KLHL25: variants seen among roughly 807,000 people sequenced by gnomAD.
KLHL25 encodes kelch like family member 25.
Under a neutral mutation model 30.0 loss-of-function variants are expected in KLHL25, and 41 were observed. The ratio of observed to expected loss-of-function variants is 1.37; its 90% CI spans 1.07 to 1.78. The LOEUF is 1.78. Among genes scored for constraint, KLHL25 ranks in the 40% most tolerant of loss-of-function variants. The pLI is 0.00. For missense variants in KLHL25, 971 were observed against 824.5 expected (o/e 1.18, Z -2.18); for synonymous variants, 399 against 355.3 (o/e 1.12, Z -1.38).
chr15:85,779,272 C>A (rs1217024509), intron 1 of KLHL25, among the ~76,000 whole-genome samples: 1 of 152,254 alleles, frequency 6.6e-6, no homozygotes, highest in African/African-American at 2.4e-5. Context: ...AGGAGCTCCA[C>A]TGTGTTGTCT....
chr15:85,794,442 C>A (rs1183382686), intron 1 of KLHL25, among the ~76,000 whole-genome samples: 2 of 152,248 alleles, frequency 1.3e-5, no homozygotes. Context: ...AAAGAGTCTG[C>A]GGACTCAATG....
In KLHL25 at chr15:85,789,239, G is replaced by T. The variant is rs1460844909; in HGVS notation, c.-11+5527C>A. On this transcript the variant is annotated intron_variant, in intron 1 of 2. Transcript: ENST00000337975. This position sits in a 1 kb window ranked among gnomAD's most constrained non-coding sequence, Gnocchi z 4.1. ...AGATGGGTGGGGAGTGACACCTAAG[G>T]TGAATGTGGCCCTTGAGCTGGTGGC... Among the ~76,000 whole-genome samples the T allele has an allele frequency of 6.6e-6, 1 of 152,218 alleles. No homozygotes were observed.
chr15:85,784,821 T>C (rs1246839064), intron 1 of KLHL25, among the ~76,000 whole-genome samples: 1 of 152,172 alleles, frequency 6.6e-6, no homozygotes, highest in Non-Finnish European at 1.5e-5. Context: ...TGTGAGACCC[T>C]AAGTAGAGAA....
intron 1 of KLHL25, among the ~76,000 whole-genome samples, chr15:85,788,181 AG>A: frequency 6.6e-6 from 1 of 152,174 alleles, no homozygotes; most frequent in South Asian, 2.1e-4. Flanking sequence ...GCAGAATGTC[AG>A]GGTCTGGCAC....
chr15:85,778,079 C>G (rs781473467), intron 1 of KLHL25, among the ~76,000 whole-genome samples: 15 of 152,196 alleles, frequency 9.9e-5, no homozygotes, highest in Non-Finnish European at 1.9e-4. Context: ...ATTTCTTGCT[C>G]ATACTATTAA....
intron 1 of KLHL25, among the ~76,000 whole-genome samples, chr15:85,776,861 G>C (rs535652551): frequency 6.6e-6 from 1 of 151,962 alleles, no homozygotes; most frequent in African/African-American, 2.4e-5. Context: ...GGAGGCGGAG[G>C]TTGCAGTGAG....
Position 85,766,537 on chromosome 15 carries a change from G to A in KLHL25, c.*24+1480C>T, listed in dbSNP as rs564049926. On this transcript the variant is annotated intron_variant, in intron 2 of 2. Coordinates refer to ENST00000337975, the MANE Select transcript of KLHL25 (RefSeq NM_022480.4). The stretch of plus-strand genomic sequence containing the variant: ...CCCCTATTTGCTGCGGGAAGACCCC[G>A]CCCCCAGCTCAGCTTCTCAGGAGAT... Among the ~76,000 whole-genome samples the A allele has an allele frequency of 8.6e-5, 13 of 151,502 alleles. No individual in the cohort carries two copies. The South Asian group carries it at 1.0e-3, about 12-fold the overall frequency.
intron 2 of KLHL25, among the ~76,000 whole-genome samples, chr15:85,765,633 A>G (rs12323985): frequency 7.8e-6 from 1 of 127,910 alleles, no homozygotes; most frequent in Non-Finnish European, 1.7e-5. Flanking sequence ...AAAAAAAAAA[A>G]AAGAAGAAGA....
chr15:85,781,623 A>G (rs2089743754), intron 1 of KLHL25, among the ~76,000 whole-genome samples: 1 of 152,174 alleles, frequency 6.6e-6, no homozygotes, highest in Admixed American at 6.5e-5. Context: ...AGCTGGGATT[A>G]TAGGTACATG....
intron 1 of KLHL25, among the ~76,000 whole-genome samples, chr15:85,782,201 G>A (rs936239031): frequency 6.6e-6 from 1 of 152,106 alleles, no homozygotes; most frequent in Non-Finnish European, 1.5e-5. Flanking sequence ...GCAAAAACAT[G>A]GGTGCCCATA....
At chr15:85,781,294 T>C (rs966459808) in intron 1 of KLHL25, among the ~76,000 whole-genome samples, 5 of 152,204 alleles carry the variant, frequency 3.3e-5, no homozygotes, top group African/African-American at 1.2e-4. Context: ...TGTGATTCTG[T>C]AACATCAGGC....
At chr15:85,770,951 G>C (rs926923784) in intron 1 of KLHL25, 11 of 221,638 alleles carry the variant, frequency 5.0e-5, no homozygotes, top group Admixed American at 1.0e-4. Flanking sequence ...TGAACTCAAG[G>C]CTCAGCCAAC....
Position 85,768,639 on chromosome 15 carries a change from T to G in KLHL25, c.1172A>C (p.Tyr391Ser), listed in dbSNP as rs763562956. The change falls in exon 2 of 3, where the codon TAT becomes TCT. Residue 391 changes from tyrosine (Y) to serine (S), a missense_variant. Tyr to Ser is a moderately radical substitution (Grantham distance 144). Coordinates refer to ENST00000337975, the MANE Select transcript of KLHL25 (RefSeq NM_022480.4). ...CAGGGATGTGTGTCCCCCCACCACA[T>G]AGAGGCAGTTCTCCAGCTCAGCTGA... is the stretch of plus-strand genomic sequence containing the variant. ...HGSAELENCLYVVGGHTSLAG... is the reference protein window; with the variant it reads ...HGSAELENCLSVVGGHTSLAG... The G allele has an allele frequency of 1.2e-6, 2 of 1,612,996 alleles. No homozygotes were observed. Among genetic ancestry groups the G allele is most frequent in the Non-Finnish European group, 1.7e-6 (2 of 1,179,412 alleles).
chr15:85,765,087 C>T (rs1300892467), intron 2 of KLHL25, among the ~76,000 whole-genome samples: 2 of 152,174 alleles, frequency 1.3e-5, no homozygotes, highest in African/African-American at 2.4e-5. Flanking sequence ...GGTCTGGAGG[C>T]TCAGACCAGA....
In KLHL25 at chr15:85,768,077, C is replaced by T. The variant is rs761827840; in HGVS notation, c.1734G>A (p.Thr578=). 6 of 1,613,564 alleles carry T rather than the reference C, an allele frequency of 3.7e-6. No homozygotes were observed. The highest frequency in any genetic ancestry group is 3.3e-5 in the Admixed American group (2 of 59,982). ...GGTGCTTCCAGGTGCTGACAAAGGC[C>T]GTGGGGATAAGTGAGTAGGGCACTG... The part of the protein sequence containing the change: ...ITTVPYSLIP[T]AFVSTWKHLP... The change falls in exon 2 of 3, where the codon ACG becomes ACA. Residue 578 remains threonine (T), a synonymous_variant. Coordinates refer to ENST00000337975, the MANE Select transcript of KLHL25 (RefSeq NM_022480.4).
In KLHL25 at chr15:85,768,150, G is replaced by A; in HGVS notation, c.1661C>T (p.Thr554Ile). 1 of 1,614,230 alleles carries A rather than the reference G, an allele frequency of 6.2e-7. No homozygotes were observed. Among genetic ancestry groups the A allele is most frequent in the Non-Finnish European group, 8.5e-7 (1 of 1,180,048 alleles). The change falls in exon 2 of 3, where the codon ACT becomes ATT. Residue 554 changes from threonine (T) to isoleucine (I), a missense_variant. Coordinates refer to ENST00000337975, the MANE Select transcript of KLHL25 (RefSeq NM_022480.4). The part of the protein sequence containing the change: ...GGYFGTQRCK[T>I]LDCYDPTSDT... ...TGAAGTGGGGTCATAGCAGTCCAGA[G>A]TCTTACACCTCTGGGTCCCAAAGTA...
chr15:85,761,114 C>T (rs1383891748), intron 2 of KLHL25, 103 bp from the exon 3 acceptor site: 4 of 152,294 alleles, frequency 2.6e-5, no homozygotes, highest in Admixed American at 1.3e-4. Context: ...CCATGAGGCT[C>T]GGGCGTGAGA....
Position 85,769,500 on chromosome 15 carries a change from A to G in KLHL25, c.311T>C (p.Phe104Ser), listed in dbSNP as rs1032567133. Residue 104 changes from phenylalanine (F) to serine (S), a missense_variant, in exon 2 of 3, where the codon TTT (phenylalanine) becomes TCT (serine). By Grantham distance (155) the Phe-to-Ser change is radical (BLOSUM62 -2). Coordinates refer to ENST00000337975, the MANE Select transcript of KLHL25 (RefSeq NM_022480.4). ...GATGGCGATGCGTGAGGAGTAGGCA[A>G]AGTCCAGCAGCAGCTCCAGCACCTC... ...HPEVLELLLD[F>S]AYSSRIAINE... The G allele has an allele frequency of 6.2e-7, 1 of 1,613,896 alleles. No homozygotes were observed. The highest frequency in any genetic ancestry group is 1.3e-5 in the African/African-American group (1 of 74,936).
intron 1 of KLHL25, among the ~76,000 whole-genome samples, chr15:85,786,329 C>G (rs2089781158): frequency 6.6e-6 from 1 of 152,148 alleles, no homozygotes; most frequent in Admixed American, 6.5e-5. Flanking sequence ...ATGGCCAAAC[C>G]TGGATGTTGC....
Sources: gnomAD v4.1 joint callset for allele counts (sites outside exome capture counted in the v4.1 genomes callset) on GRCh38, gnomAD v4.1.1 for gene constraint, Gnocchi (gnomAD v3.1) non-coding constraint, MANE v1.5 for transcripts, NCBI Gene and HGNC (gene_info 2026-07-23, HGNC 2026-07-21) for gene names.